ATP2B4: variants seen among roughly 807,000 people sequenced by gnomAD.
ATP2B4 encodes the protein ATPase plasma membrane Ca2+ transporting 4.
Under a neutral mutation model 110.3 loss-of-function variants are expected in ATP2B4, and 39 were observed. The ratio of observed to expected loss-of-function variants is 0.35; its 90% CI spans 0.27 to 0.46. ATP2B4 has a LOEUF of 0.46. Among genes scored for constraint, ATP2B4 ranks in the 20% least tolerant of loss-of-function variants. The pLI, the probability that ATP2B4 is intolerant of heterozygous loss-of-function variation, is 1.00. For missense variants in ATP2B4, 1,135 were observed against 1,530.9 expected (o/e 0.74, Z 4.32); for synonymous variants, 538 against 571.7 (o/e 0.94, Z 0.84).
At chr1:203,695,591 C>T (rs1191810075) in intron 2 of ATP2B4, among the ~76,000 whole-genome samples, 1 of 152,086 alleles carries the variant, frequency 6.6e-6, no homozygotes, top group Non-Finnish European at 1.5e-5. Flanking sequence ...GCACCACTTC[C>T]CTAACCAGCC....
chr1:203,715,238 G>A (rs1666127483), intron 15 of ATP2B4, among the ~76,000 whole-genome samples: 1 of 146,060 alleles, frequency 6.8e-6, no homozygotes, highest in Non-Finnish European at 1.5e-5. Flanking sequence ...TCACGCCACT[G>A]CACTCCAGCC....
intron 1 of ATP2B4, among the ~76,000 whole-genome samples, chr1:203,673,284 A>T (rs1664730069): frequency 6.6e-6 from 1 of 152,218 alleles, no homozygotes; most frequent in Non-Finnish European, 1.5e-5. Flanking sequence ...GGTTTGCCCC[A>T]GTTCTCCAGA....
intron 1 of ATP2B4, among the ~76,000 whole-genome samples, chr1:203,668,897 A>G (rs1277930374): frequency 6.6e-6 from 1 of 152,176 alleles, no homozygotes; most frequent in Non-Finnish European, 1.5e-5. Flanking sequence ...GGGGAGAAGG[A>G]GGTAGGGGAA....
intron 20 of ATP2B4, among the ~76,000 whole-genome samples, chr1:203,737,939 T>C (rs1042750259): frequency 1.3e-5 from 2 of 152,168 alleles, no homozygotes; most frequent in African/African-American, 2.4e-5. Flanking sequence ...TTGAGTGGTA[T>C]TTATGAAGGT....
At chr1:203,708,235 T>G in intron 10 of ATP2B4, 131 bp downstream of exon 10, 4 of 1,349,870 alleles carry the variant, frequency 3.0e-6, no homozygotes, top group Non-Finnish European at 4.1e-6. Context: ...CACGCTGGAG[T>G]GAACATGTTT....
At chr1:203,719,684 C>T (rs1483611499) in intron 15 of ATP2B4, among the ~76,000 whole-genome samples, 1 of 151,462 alleles carries the variant, frequency 6.6e-6, no homozygotes, top group Admixed American at 6.6e-5. Flanking sequence ...CACTGCTGTC[C>T]AGCCTGGGCA....
Position 203,720,629 on chromosome 1 carries a change from A to G in ATP2B4, c.2487A>G (p.Ala829=), listed in dbSNP as rs770985344. The G allele has an allele frequency of 1.9e-6, 3 of 1,614,132 alleles. No individual in the cohort carries two copies. Among genetic ancestry groups the G allele is most frequent in the South Asian group, 2.2e-5 (2 of 91,082 alleles). Residue 829 remains alanine, a synonymous_variant, in exon 16 of 21, where the codon GCA becomes GCG. Coordinates refer to ENST00000357681, the MANE Select transcript of ATP2B4 (RefSeq NM_001684.5). ...ACAACTTCACCAGCATTGTGAAGGC[A>G]GTGATGTGGGGACGAAATGTCTATG... ...TDDNFTSIVK[A]VMWGRNVYDS...
intron 2 of ATP2B4, among the ~76,000 whole-genome samples, chr1:203,694,260 T>C (rs1200815338): frequency 6.6e-6 from 1 of 152,142 alleles, no homozygotes; most frequent in South Asian, 2.1e-4. Context: ...GGAACAAAGA[T>C]AAAAATCCTG....
Position 203,709,543 on chromosome 1 carries a change from G to A in ATP2B4, c.1799+1G>A. ...GCGCCTCTGAGATCATCTTGCGCAA[G>A]TGAGCACCCCCGACCACTCTGCTTC... On this transcript the variant is annotated splice_donor_variant, in intron 11 of 20. Transcript: ENST00000357681. LOFTEE classifies it high-confidence loss of function. The A allele has an allele frequency of 6.2e-7, 1 of 1,614,154 alleles. No individual in the cohort carries two copies. Among genetic ancestry groups the A allele is most frequent in the Non-Finnish European group, 8.5e-7 (1 of 1,180,024 alleles).
intron 1 of ATP2B4, among the ~76,000 whole-genome samples, chr1:203,668,345 A>G (rs142235293): frequency 1.3e-5 from 2 of 152,126 alleles, no homozygotes; most frequent in Admixed American, 6.5e-5. Context: ...CCACTCCCCT[A>G]TTTATGCTAG....
chr1:203,712,868 GA>G (rs761660523), intron 13 of ATP2B4, among the ~76,000 whole-genome samples: 1 of 152,008 alleles, frequency 6.6e-6, no homozygotes, highest in Non-Finnish European at 1.5e-5. Context: ...TTACCCACCC[GA>G]GCCAACAGCC....
At chr1:203,704,727 C>T (rs1026613047) in intron 8 of ATP2B4, among the ~76,000 whole-genome samples, 3 of 152,000 alleles carry the variant, frequency 2.0e-5, no homozygotes, top group Non-Finnish European at 4.4e-5. Flanking sequence ...GTGATCCGCC[C>T]ACCTCGGCCT....
intron 1 of ATP2B4, among the ~76,000 whole-genome samples, chr1:203,663,460 A>T (rs1281359520): frequency 6.6e-6 from 1 of 152,174 alleles, no homozygotes; most frequent in Non-Finnish European, 1.5e-5. Flanking sequence ...CATCACACAT[A>T]CATTCAGCAT....
chr1:203,634,660 T>G (rs981949326), intron 1 of ATP2B4, among the ~76,000 whole-genome samples: 2 of 152,106 alleles, frequency 1.3e-5, no homozygotes, highest in Admixed American at 6.6e-5. Flanking sequence ...GAAATGCATC[T>G]CTTTGTTTGT....
chr1:203,653,529 C>T (rs2102321507), intron 1 of ATP2B4, among the ~76,000 whole-genome samples: 1 of 152,304 alleles, frequency 6.6e-6, no homozygotes, highest in East Asian at 1.9e-4. Flanking sequence ...TGCCTGGCTT[C>T]AAAGTTTCAA....
chr1:203,712,606 AAG>A lies in ATP2B4; in HGVS notation c.2211+470_2211+471del, dbSNP rs1248782605. On this transcript the variant is annotated intron_variant, in intron 13 of 20. Coordinates refer to ENST00000357681, the MANE Select transcript of ATP2B4 (RefSeq NM_001684.5). ...ACTCCGTCTCAAAAAAGAAAAAAAA[AAG>A]AGGGGGGGAGTTGCTTGTGAATGAA... Among the ~76,000 whole-genome samples, 49 of 151,888 alleles carry A rather than the reference AAG, an allele frequency of 3.2e-4. No individual in the cohort carries two copies. The East Asian group carries it at 4.1e-3, about 13-fold the overall frequency.
intron 1 of ATP2B4, among the ~76,000 whole-genome samples, chr1:203,646,472 A>T (rs1188837809): frequency 6.6e-6 from 1 of 152,008 alleles, no homozygotes; most frequent in Non-Finnish European, 1.5e-5. Context: ...ATAAAAATAA[A>T]AAAACAGTCG....
At chr1:203,739,372 T>C (rs1666948871) in intron 20 of ATP2B4, among the ~76,000 whole-genome samples, 174 bp from the exon 21 acceptor site, 1 of 152,036 alleles carries the variant, frequency 6.6e-6, no homozygotes, top group Non-Finnish European at 1.5e-5. Context: ...AGTTGAGCCA[T>C]GTGATGTTTC....
At chr1:203,670,758 G>A (rs896266670) in intron 1 of ATP2B4, among the ~76,000 whole-genome samples, 1 of 152,190 alleles carries the variant, frequency 6.6e-6, no homozygotes, top group East Asian at 1.9e-4. Flanking sequence ...TCTCCAACAA[G>A]AGCTTATGAG....
Sources: allele counts gnomAD v4.1 joint callset (sites outside exome capture counted in the v4.1 genomes callset), GRCh38; gene constraint gnomAD v4.1.1; transcripts MANE v1.5; gene names NCBI Gene and HGNC (gene_info 2026-07-23, HGNC 2026-07-21).